SH3GL3: variants seen among roughly 807,000 people sequenced by gnomAD.
The protein encoded by SH3GL3 is SH3 domain containing GRB2 like 3, endophilin A3, also known as endophilin-A3.
Under a neutral mutation model 47.7 loss-of-function variants are expected in SH3GL3, and 33 were observed. The ratio of observed to expected loss-of-function variants is 0.69; its 90% CI spans 0.52 to 0.92. The LOEUF is 0.92. Ranked by LOEUF, SH3GL3 falls within the 40% of genes least tolerant of loss-of-function variation. The probability of loss-of-function intolerance (pLI) is 0.00; values close to 1 mark genes in which losing one functional copy is unlikely to be tolerated. For missense variants in SH3GL3, 363 were observed against 417.8 expected, an observed-to-expected ratio of 0.87 and a Z score of 1.14; for synonymous variants, 155 against 148.8, an observed-to-expected ratio of 1.04 and a Z score of -0.30.
intron 1 of SH3GL3, among the ~76,000 whole-genome samples, chr15:83,490,155 G>C (rs1373857998): frequency 6.6e-6 from 1 of 152,130 alleles, no homozygotes; most frequent in Non-Finnish European, 1.5e-5. Context: ...TGAGGTTGGG[G>C]CCCCTTAGGG....
chr15:83,562,817 C>T (rs937218460), intron 2 of SH3GL3, among the ~76,000 whole-genome samples: 1 of 152,148 alleles, frequency 6.6e-6, no homozygotes, highest in Non-Finnish European at 1.5e-5. Context: ...ACTAATAAGA[C>T]ATATTTAGTT....
At chr15:83,510,005 G>A (rs2042680716) in intron 1 of SH3GL3, among the ~76,000 whole-genome samples, 1 of 152,074 alleles carries the variant, frequency 6.6e-6, no homozygotes, top group African/African-American at 2.4e-5. Flanking sequence ...TAGATTCGAA[G>A]CGAATATATT....
intron 1 of SH3GL3, among the ~76,000 whole-genome samples, chr15:83,499,372 C>T (rs2042205119): frequency 2.0e-5 from 3 of 148,676 alleles, no homozygotes; most frequent in Admixed American, 6.7e-5. Flanking sequence ...GGCACTCCAG[C>T]CTGGGCGACA....
chr15:83,557,149 A>C (rs2045003848), intron 1 of SH3GL3, among the ~76,000 whole-genome samples: 1 of 152,064 alleles, frequency 6.6e-6, no homozygotes, highest in Non-Finnish European at 1.5e-5. Flanking sequence ...CCACTTTTGT[A>C]CTCTACCATG....
chr15:83,448,442 A>ATGTATGTG lies in SH3GL3; in HGVS notation c.45+867_45+868insATGTGTGT, dbSNP rs1555469209. On this transcript the variant is annotated intron_variant, in intron 1 of 8. Transcript: ENST00000427482. This position sits in a 1 kb window ranked among gnomAD's most constrained non-coding sequence, Gnocchi z 4.2. ...AAACAGGAGGGGAGACATGAAATTG[A>ATGTATGTG]TGTGTGTGTGTGTGTGTGTGTGTGT... is the stretch of plus-strand genomic sequence containing the variant. Among the ~76,000 whole-genome samples, 3 of 140,642 alleles carry ATGTATGTG rather than the reference A, an allele frequency of 2.1e-5. No homozygotes were observed. Among genetic ancestry groups the ATGTATGTG allele is most frequent in the Admixed American group, 7.1e-5 (1 of 14,046 alleles). The allele number at this position is 140,642 out of a possible 152,430, so 92.3% of individuals were successfully genotyped here.
At chr15:83,520,433 G>T (rs1009099341) in intron 1 of SH3GL3, among the ~76,000 whole-genome samples, 2 of 152,174 alleles carry the variant, frequency 1.3e-5, no homozygotes, top group Non-Finnish European at 1.5e-5. Context: ...AGTAATTTGC[G>T]TGTGGTGAGA....
intron 1 of SH3GL3, among the ~76,000 whole-genome samples, chr15:83,461,007 C>T (rs1036470997): frequency 3.3e-5 from 5 of 151,550 alleles, no homozygotes; most frequent in African/African-American, 7.3e-5. Context: ...GGTGTGAACC[C>T]GGGAGGCGGA....
At chr15:83,565,236 G>T (rs775932448) in intron 3 of SH3GL3, 30 bp downstream of exon 3, 4 of 1,234,112 alleles carry the variant, frequency 3.2e-6, no homozygotes, top group Non-Finnish European at 3.6e-6. Context: ...TTGTTCATTT[G>T]CTGTCACAGA....
At chr15:83,458,431 G>A (rs2040105343) in intron 1 of SH3GL3, among the ~76,000 whole-genome samples, 1 of 152,156 alleles carries the variant, frequency 6.6e-6, no homozygotes, top group African/African-American at 2.4e-5. Context: ...GGATAATGGT[G>A]TCTTTTCCCC....
chr15:83,498,559 T>C (rs1344058906), intron 1 of SH3GL3, among the ~76,000 whole-genome samples: 1 of 152,208 alleles, frequency 6.6e-6, no homozygotes, highest in Admixed American at 6.5e-5. Context: ...GGCATTGTGC[T>C]AGGGACTCAC....
intron 1 of SH3GL3, among the ~76,000 whole-genome samples, chr15:83,470,987 A>G (rs2040807189): frequency 6.6e-6 from 1 of 152,210 alleles, no homozygotes; most frequent in Non-Finnish European, 1.5e-5. Flanking sequence ...TTAGAAACAC[A>G]TTAGACAGTA....
At chr15:83,567,774 C>T (rs549919977) in intron 3 of SH3GL3, among the ~76,000 whole-genome samples, 25 of 152,216 alleles carry the variant, frequency 1.6e-4, no homozygotes, top group South Asian at 6.2e-4. Flanking sequence ...ATATCCTCCT[C>T]GGCAATTCTA....
At chr15:83,630,254 G>A in the SH3GL3 span, among the ~76,000 whole-genome samples, 1 of 152,012 alleles carries the variant, frequency 6.6e-6, no homozygotes, top group Non-Finnish European at 1.5e-5. Flanking sequence ...TGTGAGAATG[G>A]ACTAATACAA....
chr15:83,517,114 A>C (rs1014100633), intron 1 of SH3GL3, among the ~76,000 whole-genome samples: 6 of 152,112 alleles, frequency 3.9e-5, no homozygotes, highest in African/African-American at 1.4e-4. Context: ...TGTATCTAAA[A>C]ATAGAATTGA....
intron 1 of SH3GL3, among the ~76,000 whole-genome samples, chr15:83,473,004 A>G (rs1041467751): frequency 6.6e-6 from 1 of 151,920 alleles, no homozygotes; most frequent in African/African-American, 2.4e-5. Context: ...AAGCACTCCT[A>G]CCCTTCTCTG....
intron 1 of SH3GL3, among the ~76,000 whole-genome samples, chr15:83,518,055 T>C (rs985215017): frequency 7.9e-5 from 12 of 152,200 alleles, no homozygotes; most frequent in Admixed American, 2.0e-4. Flanking sequence ...TCTAGCTGCA[T>C]CTGTGTTGCT....
intron 1 of SH3GL3, among the ~76,000 whole-genome samples, chr15:83,527,211 C>T (rs987829698): frequency 3.9e-5 from 6 of 152,158 alleles, no homozygotes; most frequent in Admixed American, 2.6e-4. Context: ...ATGAAATGTT[C>T]TGTAAATGTC....
chr15:83,579,447 A>T (rs1394549380), intron 6 of SH3GL3, among the ~76,000 whole-genome samples: 2 of 152,154 alleles, frequency 1.3e-5, no homozygotes, highest in Non-Finnish European at 2.9e-5. Flanking sequence ...GAGGAGACCA[A>T]CGTTATGAAA....
intron 1 of SH3GL3, among the ~76,000 whole-genome samples, chr15:83,467,034 A>AAATTTTGATG (rs2040599682): frequency 3.3e-5 from 5 of 152,220 alleles, no homozygotes; most frequent in Admixed American, 2.0e-4. Flanking sequence ...TTACAGAGCA[A>AAATTTTGATG]AAGTTTTACA....
Sources: gnomAD v4.1 joint callset for allele counts (sites outside exome capture counted in the v4.1 genomes callset) on GRCh38, gnomAD v4.1.1 for gene constraint, Gnocchi (gnomAD v3.1) non-coding constraint, MANE v1.5 for transcripts, NCBI Gene and HGNC (gene_info 2026-07-23, HGNC 2026-07-21) for gene names.